RAP1B: variants seen among roughly 807,000 people sequenced by gnomAD.
RAP1B encodes RAP1B, member of RAS oncogene family.
Under a neutral mutation model 27.5 loss-of-function variants are expected in RAP1B, and 1 was observed. The observed-to-expected ratio is 0.04, with a 90% CI of 0.01 to 0.17. The LOEUF (loss-of-function observed/expected upper bound fraction) is 0.17, where lower values mean the gene tolerates loss of function less well. RAP1B is among the 10% of genes least tolerant of loss of function. The pLI is 1.00. For missense variants in RAP1B, 84 were observed against 214.8 expected, an observed-to-expected ratio of 0.39 and a Z score of 3.81; for synonymous variants, 75 against 73.1, an observed-to-expected ratio of 1.03 and a Z score of -0.13.
chr12:68,657,465 C>G (rs747339195), intron 7 of RAP1B: 1 of 238,118 alleles, frequency 4.2e-6, no homozygotes, highest in African/African-American at 2.3e-5. Flanking sequence ...AGTGCAGTGG[C>G]GCAATATCAG....
At chr12:68,639,600 T>C (rs1872851721) in intron 1 of RAP1B, among the ~76,000 whole-genome samples, 1 of 152,210 alleles carries the variant, frequency 6.6e-6, no homozygotes. Context: ...TGCCCTGATC[T>C]GTGTTGTTTT....
chr12:68,649,583 C>G (rs1238045085), intron 2 of RAP1B: 2 of 152,162 alleles, frequency 1.3e-5, no homozygotes, highest in Admixed American at 1.3e-4. Flanking sequence ...CAAAGCCTCA[C>G]AAGCAAATAG....
intron 1 of RAP1B, among the ~76,000 whole-genome samples, chr12:68,615,541 A>G (rs1014578991): frequency 7.9e-5 from 12 of 151,764 alleles, no homozygotes; most frequent in African/African-American, 2.9e-4. Flanking sequence ...GTGAGCCAAG[A>G]TCGCTCCACT....
intron 1 of RAP1B, among the ~76,000 whole-genome samples, chr12:68,615,794 T>TAC (rs537752483): frequency 6.6e-6 from 1 of 152,060 alleles, no homozygotes; most frequent in Non-Finnish European, 1.5e-5. Context: ...TACACATACA[T>TAC]ACACACACAC....
Position 68,666,563 on chromosome 12 carries a change from T to A in RAP1B, c.*7314T>A, listed in dbSNP as rs1055065463. On this transcript the variant is annotated 3_prime_UTR_variant, in exon 8 of 8. Transcript: ENST00000250559. ...TCTTTGTATCTCCTCCTCTCTATAA[T>A]CTTTCTTTTAAAAGGACAATTGTTT... The A allele has an allele frequency of 5.3e-5, 8 of 152,210 alleles. No individual in the cohort carries two copies. The highest frequency in any genetic ancestry group is 1.9e-4 in the African/African-American group (8 of 41,448). The allele number at this position is 152,210 out of a possible 1,614,324, so 9.4% of individuals were successfully genotyped here.
intron 7 of RAP1B, among the ~76,000 whole-genome samples, chr12:68,658,636 T>C (rs1874397136): frequency 6.6e-6 from 1 of 152,230 alleles, no homozygotes; most frequent in South Asian, 2.1e-4. Flanking sequence ...CATGTGATTT[T>C]AGTGTAATAC....
At chr12:68,632,257 C>T (rs1414483079) in intron 1 of RAP1B, among the ~76,000 whole-genome samples, 1 of 151,334 alleles carries the variant, frequency 6.6e-6, no homozygotes, top group African/African-American at 2.4e-5. Context: ...CCTCAGTCTC[C>T]TGAGTAGCTG....
intron 1 of RAP1B, among the ~76,000 whole-genome samples, chr12:68,618,464 G>A (rs576344559): frequency 4.6e-5 from 7 of 152,258 alleles, no homozygotes; most frequent in African/African-American, 1.7e-4. Context: ...AAATAATTGT[G>A]AGTTTTGATT....
chr12:68,637,757 G>A (rs1190316444), intron 1 of RAP1B, among the ~76,000 whole-genome samples: 2 of 151,870 alleles, frequency 1.3e-5, no homozygotes, highest in East Asian at 3.9e-4. Flanking sequence ...TTACTTTTAA[G>A]TGTATAAGGA....
rs1045223397 is a variant in RAP1B, at chr12:68,665,613, T to C, written c.*6364T>C. ...GCATCTTTTATGGCAAAGAGCAAAA[T>C]ACTATTGTTCCTCTTCTAGTATGCT... On this transcript the variant is annotated 3_prime_UTR_variant, in exon 8 of 8. Coordinates refer to ENST00000250559, the MANE Select transcript of RAP1B (RefSeq NM_001010942.3). The C allele has an allele frequency of 1.3e-5, 2 of 152,156 alleles. No homozygotes were observed. Among genetic ancestry groups the C allele is most frequent in the African/African-American group, 2.4e-5 (1 of 41,438 alleles). 9.4% of individuals were successfully genotyped at this position (152,156 alleles called of 1,614,324 possible). A position where few individuals can be genotyped will look rare whatever the true frequency, so the allele number is the denominator to read the frequency against.
intron 1 of RAP1B, among the ~76,000 whole-genome samples, chr12:68,629,623 A>G (rs1415220216): frequency 6.6e-6 from 1 of 152,188 alleles, no homozygotes; most frequent in Non-Finnish European, 1.5e-5. Flanking sequence ...AAGTTTTTAT[A>G]TGTACTGGGG....
chr12:68,645,235 T>C (rs1873320463), intron 1 of RAP1B, among the ~76,000 whole-genome samples: 1 of 152,222 alleles, frequency 6.6e-6, no homozygotes, highest in African/African-American at 2.4e-5. Flanking sequence ...ATCTTAATTT[T>C]ACCTGGAAGG....
intron 1 of RAP1B, among the ~76,000 whole-genome samples, chr12:68,612,208 G>GTATATATGTCTCATATA (rs1374894804): frequency 6.6e-6 from 1 of 152,156 alleles, no homozygotes; most frequent in African/African-American, 2.4e-5. Context: ...TATATGTCGA[G>GTATATATGTCTCATATA]TACTTAACAA....
chr12:68,642,348 T>G (rs1208607945), intron 1 of RAP1B, among the ~76,000 whole-genome samples: 1 of 152,082 alleles, frequency 6.6e-6, no homozygotes, highest in Non-Finnish European at 1.5e-5. Context: ...AAAAAAAAAG[T>G]TGTTAAAGGC....
intron 1 of RAP1B, among the ~76,000 whole-genome samples, chr12:68,616,438 ATTTTTTTTTTTT>A (rs142174644): frequency 6.7e-4 from 60 of 89,474 alleles, no homozygotes; most frequent in African/African-American, 2.9e-3. Flanking sequence ...TGCCTGGCTA[ATTTTTTTTTTTT>A]TTTTTTTTTT....
At chr12:68,636,602 A>AT (rs1219873595) in intron 1 of RAP1B, among the ~76,000 whole-genome samples, 1 of 151,536 alleles carries the variant, frequency 6.6e-6, no homozygotes, top group East Asian at 2.0e-4. Context: ...TACTTTATAA[A>AT]TTTTTTGTAG....
chr12:68,618,849 A>G (rs1029904084), intron 1 of RAP1B, among the ~76,000 whole-genome samples: 3 of 152,200 alleles, frequency 2.0e-5, no homozygotes, highest in Non-Finnish European at 4.4e-5. Context: ...AATGGGAAGT[A>G]TGCTTAAAAC....
chr12:68,660,349 T>A lies in RAP1B; in HGVS notation c.*1100T>A, dbSNP rs1874531257. ...TGCATTAATGTTTGGATGTAAAGAT[T>A]GTGTGTCTATCCAACAGGGAGCCAC... On this transcript the variant is annotated 3_prime_UTR_variant, in exon 8 of 8. Coordinates refer to ENST00000250559, the MANE Select transcript of RAP1B (RefSeq NM_001010942.3). 6.7e-6 allele frequency: 1 copy of A among 149,182 alleles called. No individual in the cohort carries two copies. Among genetic ancestry groups the A allele is most frequent in the African/African-American group, 2.5e-5 (1 of 40,186 alleles). The allele number at this position is 149,182 out of a possible 1,614,324, so 9.2% of individuals were successfully genotyped here. A position where few individuals can be genotyped will look rare whatever the true frequency, so the allele number is the denominator to read the frequency against.
intron 7 of RAP1B, 141 bp downstream of exon 7, chr12:68,657,358 T>C (rs1481666451): frequency 5.6e-6 from 3 of 538,606 alleles, no homozygotes; most frequent in Non-Finnish European, 1.0e-5. Context: ...TGAGTTAGTA[T>C]GCTATCTTAT....
Sources: allele counts gnomAD v4.1 joint callset (sites outside exome capture counted in the v4.1 genomes callset), GRCh38; gene constraint gnomAD v4.1.1; transcripts MANE v1.5; gene names NCBI Gene and HGNC (gene_info 2026-07-23, HGNC 2026-07-21).